The following SCARA3 variants were observed in gnomAD, a reference collection of about 807,000 sequenced individuals.
SCARA3 encodes the protein cellular stress response gene protein.
SCARA3 carries 39 observed loss-of-function variants against 47.0 expected under a neutral mutation model. That is an observed-to-expected ratio of 0.83 (90% CI 0.64 to 1.08). SCARA3 has a LOEUF of 1.08. Among genes scored for constraint, SCARA3 ranks in the 50% least tolerant of loss-of-function variants. The pLI is 0.00. For missense variants in SCARA3, 724 were observed against 792.3 expected, an observed-to-expected ratio of 0.91 and a Z score of 1.04; for synonymous variants, 356 against 334.1, an observed-to-expected ratio of 1.07 and a Z score of -0.71.
intron 1 of SCARA3, among the ~76,000 whole-genome samples, chr8:27,638,832 G>C (rs1357367587): frequency 1.3e-5 from 2 of 152,202 alleles, no homozygotes; most frequent in African/African-American, 4.8e-5. Context: ...TTCCCAGCGA[G>C]AGAGTTTGGG....
chr8:27,699,374 C>A, the SCARA3 span, among the ~76,000 whole-genome samples: 1 of 151,522 alleles, frequency 6.6e-6, no homozygotes, highest in Non-Finnish European at 1.5e-5. Flanking sequence ...GAGTCTTGCT[C>A]TGTCACCCAG....
At chr8:27,660,808 A>G (rs556350235) in intron 5 of SCARA3, among the ~76,000 whole-genome samples, 1 of 151,820 alleles carries the variant, frequency 6.6e-6, no homozygotes, top group South Asian at 2.1e-4. Flanking sequence ...TGAGATAGAT[A>G]GAAAATAGAT....
At chr8:27,724,211 T>A in the SCARA3 span, among the ~76,000 whole-genome samples, 2 of 151,894 alleles carry the variant, frequency 1.3e-5, no homozygotes, top group Non-Finnish European at 2.9e-5. Flanking sequence ...GCCTCATTCC[T>A]TTTTTATTTT....
downstream of SCARA3, among the ~76,000 whole-genome samples, chr8:27,681,007 C>T (rs73231070): frequency 0.025 from 3,738 of 152,142 alleles, 50 homozygotes; most frequent in Admixed American, 0.04. Context: ...TAGACAAAAC[C>T]CTTTTAAGAA....
At chr8:27,696,279 G>T in the SCARA3 span, among the ~76,000 whole-genome samples, 1 of 151,962 alleles carries the variant, frequency 6.6e-6, no homozygotes, top group Non-Finnish European at 1.5e-5. Flanking sequence ...CAAAATGCTG[G>T]GATTACAAGC....
At chr8:27,642,019 C>T (rs966275782) in intron 1 of SCARA3, among the ~76,000 whole-genome samples, 2 of 152,156 alleles carry the variant, frequency 1.3e-5, no homozygotes, top group Non-Finnish European at 2.9e-5. Context: ...GTCTGAGAAA[C>T]GTGGAGTTAA....
At chr8:27,661,649 G>A (rs1402164613) in intron 5 of SCARA3, among the ~76,000 whole-genome samples, 1 of 152,146 alleles carries the variant, frequency 6.6e-6, no homozygotes, top group Admixed American at 6.6e-5. Flanking sequence ...CCTTGTTGCT[G>A]TCATTGGTCA....
At chr8:27,699,183 G>T in the SCARA3 span, among the ~76,000 whole-genome samples, 2 of 151,570 alleles carry the variant, frequency 1.3e-5, no homozygotes, top group Non-Finnish European at 2.9e-5. Context: ...GGCGGAGCTT[G>T]CAGTGAGCCG....
chr8:27,670,331 A>G (rs1802116791), intron 5 of SCARA3, among the ~76,000 whole-genome samples: 1 of 152,172 alleles, frequency 6.6e-6, no homozygotes, highest in Non-Finnish European at 1.5e-5. Flanking sequence ...TGTATGTGTC[A>G]ATGAAAAGAC....
At position 27,634,173 on chromosome 8, in the gene SCARA3, C is replaced by T; in HGVS notation, c.-28C>T. Reference sequence around the variant, plus strand: ...ACAGCTCCAGCCGCCTGCAGCGGGGCCCTCCTGAGGCCCCAGAGGAAGAGA... The same window carrying T: ...ACAGCTCCAGCCGCCTGCAGCGGGGTCCTCCTGAGGCCCCAGAGGAAGAGA... On this transcript the variant is annotated 5_prime_UTR_variant, in exon 1 of 6. Transcript: ENST00000301904. 1 of 1,442,778 alleles carries T rather than the reference C, an allele frequency of 6.9e-7. No homozygotes were observed. Among genetic ancestry groups the T allele is most frequent in the South Asian group, 1.5e-5 (1 of 67,390 alleles). 89.4% of individuals were successfully genotyped at this position (1,442,778 alleles called of 1,614,324 possible).
intron 1 of SCARA3, among the ~76,000 whole-genome samples, chr8:27,642,624 A>T (rs1316634005): frequency 6.6e-6 from 1 of 152,102 alleles, no homozygotes; most frequent in East Asian, 1.9e-4. Flanking sequence ...GGAATTTGAG[A>T]CCAGCCTGGG....
the SCARA3 span, among the ~76,000 whole-genome samples, chr8:27,730,939 G>GA: frequency 6.6e-6 from 1 of 151,140 alleles, no homozygotes; most frequent in Non-Finnish European, 1.5e-5. Flanking sequence ...TTGTGGAAAA[G>GA]AAAAATTCTT....
chr8:27,715,820 TA>T, the SCARA3 span, among the ~76,000 whole-genome samples: 126 of 143,130 alleles, frequency 8.8e-4, 1 homozygote, highest in East Asian at 0.015. This position sits in a 1 kb window ranked among gnomAD's most constrained non-coding sequence, Gnocchi z 4.2. Context: ...GATAGATAGA[TA>T]GATGATAGAT....
upstream of SCARA3, among the ~76,000 whole-genome samples, chr8:27,633,595 C>A (rs1385017791): frequency 1.4e-5 from 2 of 148,142 alleles, no homozygotes; most frequent in African/African-American, 2.4e-5. Context: ...AGGAGCTCTC[C>A]CGGTGAGCCC....
At chr8:27,715,439 A>G in the SCARA3 span, among the ~76,000 whole-genome samples, 1 of 151,908 alleles carries the variant, frequency 6.6e-6, no homozygotes, top group Non-Finnish European at 1.5e-5. The surrounding 1 kb of genome is among the most constrained non-coding windows in gnomAD (Gnocchi z 4.2). Context: ...GGCTGCCACC[A>G]CCAATGCTCC....
At chr8:27,705,156 C>A in the SCARA3 span, among the ~76,000 whole-genome samples, 1 of 152,160 alleles carries the variant, frequency 6.6e-6, no homozygotes, top group East Asian at 1.9e-4. Context: ...TCTCTGGGTG[C>A]CAGAGGGAGA....
chr8:27,684,625 C>T, the SCARA3 span, among the ~76,000 whole-genome samples: 6 of 151,364 alleles, frequency 4.0e-5, no homozygotes, highest in East Asian at 1.2e-3. Flanking sequence ...TATGATTGTG[C>T]CACTGCCCTC....
At chr8:27,673,084 G>A, downstream of SCARA3, 1 of 818,564 alleles carries the variant, frequency 1.2e-6, no homozygotes. Flanking sequence ...TGCACTCCAG[G>A]TGGGCCTCTG....
At position 27,671,369 on chromosome 8, in the gene SCARA3, C is replaced by T; in HGVS notation, c.*18C>T. 1 of 1,401,838 alleles carries T rather than the reference C, an allele frequency of 7.1e-7. No homozygotes were observed. Among genetic ancestry groups the T allele is most frequent in the Non-Finnish European group, 9.2e-7 (1 of 1,081,610 alleles). The allele number at this position is 1,401,838 out of a possible 1,614,324, so 86.8% of individuals were successfully genotyped here. A position where few individuals can be genotyped will look rare whatever the true frequency, so the allele number is the denominator to read the frequency against. On this transcript the variant is annotated 3_prime_UTR_variant, in exon 6 of 6. Coordinates refer to ENST00000301904, the MANE Select transcript of SCARA3 (RefSeq NM_016240.3). Reference sequence around the variant, plus strand: ...TCTACTGAGGAGGGCTGTGGCAGAGCCACTGTCACACAGAATGCCGGAGGG... The same window carrying T: ...TCTACTGAGGAGGGCTGTGGCAGAGTCACTGTCACACAGAATGCCGGAGGG...
Sources: allele counts gnomAD v4.1 joint callset (sites outside exome capture counted in the v4.1 genomes callset), GRCh38; gene constraint gnomAD v4.1.1; non-coding constraint Gnocchi (gnomAD v3.1); transcripts MANE v1.5; gene names NCBI Gene and HGNC (gene_info 2026-07-23, HGNC 2026-07-21).